The following AGAP3 variants were observed in gnomAD, a reference collection of about 807,000 sequenced individuals.
The protein encoded by AGAP3 is ArfGAP with GTPase domain, ankyrin repeat and PH domain 3, also known as arf-GAP with GTPase, ANK repeat and PH domain-containing protein 3.
AGAP3 carries 24 observed loss-of-function variants against 96.9 expected under a neutral mutation model. The ratio of observed to expected loss-of-function variants is 0.25; its 90% CI spans 0.18 to 0.35. The LOEUF is 0.35. Ranked by LOEUF, AGAP3 falls within the 10% of genes least tolerant of loss-of-function variation. The pLI is 1.00. For missense variants in AGAP3, 876 were observed against 1,254.2 expected (o/e 0.70, Z 4.55); for synonymous variants, 563 against 536.1 (o/e 1.05, Z -0.69).
chr7:151,120,585 G>A, intron 8 of AGAP3: 2 of 1,278,934 alleles, frequency 1.6e-6, no homozygotes, highest in Non-Finnish European at 2.0e-6. Flanking sequence ...GGCCCAGCTA[G>A]AGTCAGAGCC....
chr7:151,135,882 C>G (rs1483391328), intron 11 of AGAP3, among the ~76,000 whole-genome samples: 1 of 152,152 alleles, frequency 6.6e-6, no homozygotes, highest in Non-Finnish European at 1.5e-5. Context: ...AGGGTTCAAC[C>G]TAACTGTGTC....
chr7:151,139,230 C>G lies in AGAP3; in HGVS notation c.1667-749C>G, dbSNP rs1161364152. 2.0e-5 allele frequency among the ~76,000 whole-genome samples: 3 copies of G among 152,234 alleles called. No homozygotes were observed. The highest frequency in any genetic ancestry group is 2.0e-4 in the Admixed American group (3 of 15,290). ...TTCCCTGAGCCCTCCCAGTAGGAGCCCTGAGGCCCAGCCTCTGAGCTGCCA... is the reference window on the plus strand; with the variant it reads ...TTCCCTGAGCCCTCCCAGTAGGAGCGCTGAGGCCCAGCCTCTGAGCTGCCA... On this transcript the variant is annotated intron_variant, in intron 12 of 17. Transcript: ENST00000397238. The surrounding 1 kb of genome is among the most constrained non-coding windows in gnomAD (Gnocchi z 4.9).
chr7:151,120,046 C>T lies in AGAP3; in HGVS notation c.1029C>T (p.Pro343=). The T allele has an allele frequency of 6.2e-7, 1 of 1,614,022 alleles. No individual in the cohort carries two copies. Among genetic ancestry groups the T allele is most frequent in the Non-Finnish European group, 8.5e-7 (1 of 1,179,946 alleles). The change falls in exon 8 of 18, where the codon CCC becomes CCT. Residue 343 remains proline, a synonymous_variant. Transcript: ENST00000397238. ...SDYSSSVPST[P]SISQRELRIE... is the part of the protein sequence containing the mutation. ...ACTCGTCCTCAGTCCCCTCCACCCC[C>T]AGCATCAGCCAGCGGGAGCTGCGCA...
Position 151,114,402 on chromosome 7 carries a change from G to A in AGAP3, c.332-2391G>A, listed in dbSNP as rs138627875. On this transcript the variant is annotated intron_variant, in intron 1 of 17. Coordinates refer to ENST00000397238, the MANE Select transcript of AGAP3 (RefSeq NM_031946.7). This position sits in a 1 kb window ranked among gnomAD's most constrained non-coding sequence, Gnocchi z 4.4. ...CCCAGTGTGTGGTGGACTGAGGACTGTTATTTAGTTGGCCTGCTCGTAATG... is the reference window on the plus strand; with the variant it reads ...CCCAGTGTGTGGTGGACTGAGGACTATTATTTAGTTGGCCTGCTCGTAATG... Among the ~76,000 whole-genome samples the A allele has an allele frequency of 6.6e-6, 1 of 152,356 alleles. No individual in the cohort carries two copies. Among genetic ancestry groups the A allele is most frequent in the African/African-American group, 2.4e-5 (1 of 41,588 alleles).
rs368378760 is a variant in AGAP3, at chr7:151,143,290, G to A, written c.2274-51G>A. On this transcript the variant is annotated intron_variant, in intron 16 of 17. Transcript: ENST00000397238. This position sits in a 1 kb window ranked among gnomAD's most constrained non-coding sequence, Gnocchi z 5.9. Reference sequence around the variant, plus strand: ...CCTGCCCACCTTCCTGGCCCCACCCGTTGCTCGGTGACCTTCCTTGGCTCA... The same window carrying A: ...CCTGCCCACCTTCCTGGCCCCACCCATTGCTCGGTGACCTTCCTTGGCTCA... 191 of 1,554,548 alleles carry A rather than the reference G, an allele frequency of 1.2e-4. 2 individuals carry two copies. In the Middle Eastern group the frequency reaches 1.9e-3, roughly 16 times the overall value.
At chr7:151,111,732 G>T (rs1282654381) in intron 1 of AGAP3, among the ~76,000 whole-genome samples, 1 of 152,210 alleles carries the variant, frequency 6.6e-6, no homozygotes, top group East Asian at 1.9e-4. Context: ...TGGCTCCGGG[G>T]CAGGCTGTGT....
At chr7:151,099,969 C>T (rs1180681275) in intron 1 of AGAP3, among the ~76,000 whole-genome samples, 4 of 152,194 alleles carry the variant, frequency 2.6e-5, no homozygotes, top group Non-Finnish European at 1.5e-5. Flanking sequence ...GGGAGAGCCC[C>T]CACCCTGGAA....
At chr7:151,138,671 A>G (rs1000106804) in intron 12 of AGAP3, among the ~76,000 whole-genome samples, 4 of 152,210 alleles carry the variant, frequency 2.6e-5, no homozygotes, top group South Asian at 2.1e-4. Flanking sequence ...CCGCATCCCC[A>G]TCAGCCCCCC....
At chr7:151,126,352 G>A (rs1169534791) in intron 9 of AGAP3, among the ~76,000 whole-genome samples, 1 of 58,450 alleles carries the variant, frequency 1.7e-5, no homozygotes, top group Admixed American at 2.1e-4. Context: ...GATGGGAGCA[G>A]AGCGGAGCAG....
chr7:151,136,995 T>C (rs1295449028), intron 11 of AGAP3, among the ~76,000 whole-genome samples: 1 of 152,240 alleles, frequency 6.6e-6, no homozygotes, highest in Non-Finnish European at 1.5e-5. Context: ...CGTATGTGAC[T>C]AAGCACTTAC....
intron 9 of AGAP3, 42 bp from the exon 10 acceptor site, chr7:151,128,537 TA>T: frequency 5.7e-6 from 9 of 1,572,250 alleles, no homozygotes; most frequent in Non-Finnish European, 7.9e-6. Flanking sequence ...CCCTATGACC[TA>T]GGGGGCTGGC....
rs1038586267 is a variant in AGAP3 at position 151,108,013 on chromosome 7, G to C, written c.332-8780G>C. Among the ~76,000 whole-genome samples the C allele has an allele frequency of 3.9e-5, 6 of 152,232 alleles. No individual in the cohort carries two copies. The highest frequency in any genetic ancestry group is 1.3e-4 in the Admixed American group (2 of 15,290). On this transcript the variant is annotated intron_variant, in intron 1 of 17. Transcript: ENST00000397238. The surrounding 1 kb of genome is among the most constrained non-coding windows in gnomAD (Gnocchi z 4.2). ...TCTGGCACGGCACCGGCCCATGCGG[G>C]GGGTGCAGCACATGCTGGTCGCGTT...
In AGAP3 at chr7:151,142,600, G is replaced by A. The variant is rs542349903; in HGVS notation, c.2239G>A (p.Gly747Ser). ...CAACAGCGTCTGGGAGGGGGCCTTG[G>A]GTGGCTACTCCAAGCCAGGGCCTGA... is the stretch of plus-strand genomic sequence containing the variant. ...LANSVWEGAL[G>S]GYSKPGPDAC... is the part of the protein sequence containing the mutation. Residue 747 changes from glycine to serine, a missense_variant, in exon 16 of 18, where the codon GGT becomes AGT. Gly to Ser is a moderately conservative substitution (Grantham distance 56, BLOSUM62 0). Transcript: ENST00000397238. The surrounding 1 kb of genome is among the most constrained non-coding windows in gnomAD (Gnocchi z 7.5). The A allele has an allele frequency of 5.2e-5, 84 of 1,613,212 alleles. 1 individual carries two copies. The South Asian group carries it at 9.0e-4, about 17-fold the overall frequency.
At chr7:151,138,102 T>C in intron 11 of AGAP3, 41 bp from the exon 12 acceptor site, 2 of 1,470,224 alleles carry the variant, frequency 1.4e-6, no homozygotes, top group East Asian at 4.9e-5. Context: ...AATCCTCCCC[T>C]GCCCGGCCTC....
chr7:151,125,010 A>G (rs1053012522), intron 9 of AGAP3, among the ~76,000 whole-genome samples: 2 of 152,208 alleles, frequency 1.3e-5, no homozygotes, highest in African/African-American at 4.8e-5. Context: ...CAGCAGCCAG[A>G]GGCTTCCCTG....
chr7:151,103,043 G>A (rs1258883050), intron 1 of AGAP3, among the ~76,000 whole-genome samples: 3 of 152,250 alleles, frequency 2.0e-5, no homozygotes, highest in Non-Finnish European at 4.4e-5. Context: ...TATTTAGGAA[G>A]ACCTTGCCTC....
rs1196766259 is a variant in AGAP3 at position 151,139,365 on chromosome 7, G to A, written c.1667-614G>A. Among the ~76,000 whole-genome samples the A allele has an allele frequency of 1.3e-5, 2 of 152,178 alleles. No individual in the cohort carries two copies. The highest frequency in any genetic ancestry group is 2.4e-5 in the African/African-American group (1 of 41,450). ...CCCCTGGGAGAAGTGAGCTTGGAGC[G>A]CATGAGAAGGGGAGCCAGGGGCCCT... On this transcript the variant is annotated intron_variant, in intron 12 of 17. Coordinates refer to ENST00000397238, the MANE Select transcript of AGAP3 (RefSeq NM_031946.7). The surrounding 1 kb of genome is among the most constrained non-coding windows in gnomAD (Gnocchi z 4.9).
chr7:151,091,901 A>G (rs758371054), intron 1 of AGAP3, among the ~76,000 whole-genome samples: 1 of 152,148 alleles, frequency 6.6e-6, no homozygotes, highest in Non-Finnish European at 1.5e-5. Flanking sequence ...GAGGATTCCC[A>G]CATAGAGGAA....
chr7:151,117,828 C>G (rs757388977), intron 5 of AGAP3, 51 bp downstream of exon 5: 1 of 1,564,594 alleles, frequency 6.4e-7, no homozygotes, highest in Admixed American at 1.8e-5. Context: ...TCCCGGGCAA[C>G]GATGCATGGG....
Sources: allele counts gnomAD v4.1 joint callset (sites outside exome capture counted in the v4.1 genomes callset), GRCh38; gene constraint gnomAD v4.1.1; non-coding constraint Gnocchi (gnomAD v3.1); transcripts MANE v1.5; gene names NCBI Gene and HGNC (gene_info 2026-07-23, HGNC 2026-07-21).